The following PRKAG2 variants were observed in gnomAD, a reference collection of about 807,000 sequenced individuals.
PRKAG2 encodes the protein protein kinase AMP-activated non-catalytic subunit gamma 2, also known as 5'-AMP-activated protein kinase subunit gamma-2.
A neutral mutation model predicts 69.6 loss-of-function variants in PRKAG2; 26 were observed. The observed-to-expected ratio is 0.37, with a 90% CI of 0.27 to 0.52. The LOEUF (loss-of-function observed/expected upper bound fraction) is 0.52. PRKAG2 is among the 20% of genes least tolerant of loss of function. The pLI, the probability that PRKAG2 is intolerant of heterozygous loss-of-function variation, is 0.90. For missense variants in PRKAG2, 557 were observed against 740.0 expected (o/e 0.75, Z 2.87); for synonymous variants, 293 against 285.0 (o/e 1.03, Z -0.28).
intron 5 of PRKAG2, among the ~76,000 whole-genome samples, chr7:151,615,855 C>A (rs1253379998): frequency 6.6e-6 from 1 of 152,152 alleles, no homozygotes; most frequent in Non-Finnish European, 1.5e-5. Context: ...CAAATCAAAA[C>A]CCTTGATTCT....
At position 151,876,661 on chromosome 7, in the gene PRKAG2, T is replaced by C. The variant is rs767097185; in HGVS notation, c.-41A>G. 8 of 1,578,636 alleles carry C rather than the reference T, an allele frequency of 5.1e-6. No individual in the cohort carries two copies. Among genetic ancestry groups the C allele is most frequent in the Non-Finnish European group, 6.9e-6 (8 of 1,158,288 alleles). On this transcript the variant is annotated 5_prime_UTR_variant, in exon 1 of 16. Transcript: ENST00000287878. ...TTGATTCTGCGAAACTCCTCGGGGG[T>C]TCGGTCCCCTCCTTCCCTCCCCCGG...
At chr7:151,665,556 G>T (rs961968978) in intron 4 of PRKAG2, among the ~76,000 whole-genome samples, 12 of 152,172 alleles carry the variant, frequency 7.9e-5, no homozygotes, top group African/African-American at 2.9e-4. Flanking sequence ...TCAGCACACA[G>T]GCAGCACTTG....
intron 5 of PRKAG2, among the ~76,000 whole-genome samples, chr7:151,619,261 G>A (rs191060298): frequency 2.6e-5 from 4 of 152,298 alleles, no homozygotes; most frequent in South Asian, 2.1e-4. Context: ...GCTGGAGAAC[G>A]GTGATGGCCA....
chr7:151,761,749 C>T (rs775960003), intron 3 of PRKAG2, among the ~76,000 whole-genome samples: 84 of 152,126 alleles, frequency 5.5e-4, no homozygotes, highest in Admixed American at 6.5e-4. Flanking sequence ...GTACAAGAGG[C>T]GGAAGGACCC....
chr7:151,611,495 A>G (rs1320990252), intron 5 of PRKAG2, among the ~76,000 whole-genome samples: 2 of 152,172 alleles, frequency 1.3e-5, no homozygotes, highest in Non-Finnish European at 2.9e-5. Flanking sequence ...ATAAATCAGT[A>G]AGTGATGAGG....
chr7:151,818,684 A>G (rs938418867), intron 1 of PRKAG2, among the ~76,000 whole-genome samples: 3 of 152,250 alleles, frequency 2.0e-5, no homozygotes, highest in Non-Finnish European at 4.4e-5. Context: ...GCCAGAGGCC[A>G]GGGCAGCTGA....
intron 4 of PRKAG2, among the ~76,000 whole-genome samples, chr7:151,669,950 AACTTGT>A (rs1831696639): frequency 8.4e-6 from 1 of 118,694 alleles, no homozygotes; most frequent in Non-Finnish European, 1.8e-5. Context: ...TTGCATGTAC[AACTTGT>A]CACACACCTG....
intron 5 of PRKAG2, among the ~76,000 whole-genome samples, chr7:151,610,621 G>C (rs1818562158): frequency 7.5e-6 from 1 of 133,206 alleles, no homozygotes; most frequent in Non-Finnish European, 1.6e-5. Context: ...AAGTTGCAGT[G>C]AACTGATATC....
chr7:151,715,830 G>T (rs1796090787), intron 3 of PRKAG2, among the ~76,000 whole-genome samples: 1 of 150,698 alleles, frequency 6.6e-6, no homozygotes, highest in South Asian at 2.1e-4. Flanking sequence ...GCAAAGGCAG[G>T]AGAGAGGGCG....
intron 4 of PRKAG2, among the ~76,000 whole-genome samples, chr7:151,659,078 G>C (rs1249805584): frequency 5.3e-5 from 8 of 152,196 alleles, no homozygotes; most frequent in Non-Finnish European, 7.3e-5. Flanking sequence ...ATAGTAACTT[G>C]CTACAGTGCT....
rs566722955 is a variant in PRKAG2, at chr7:151,836,585, C to A, written c.114+39922G>T. Reference sequence around the variant, plus strand: ...CCCCTTCCCAGTGTGAATTCCCCTCCGATGGGGTGTGGAGGCTGGGGTAGT... The same window carrying A: ...CCCCTTCCCAGTGTGAATTCCCCTCAGATGGGGTGTGGAGGCTGGGGTAGT... On this transcript the variant is annotated intron_variant, in intron 1 of 15. Coordinates refer to ENST00000287878, the MANE Select transcript of PRKAG2 (RefSeq NM_016203.4). This position sits in a 1 kb window ranked among gnomAD's most constrained non-coding sequence, Gnocchi z 4.1. 1.7e-4 allele frequency among the ~76,000 whole-genome samples: 26 copies of A among 152,232 alleles called. 1 individual carries two copies. The highest frequency in any genetic ancestry group is 1.6e-3 in the Admixed American group (25 of 15,292).
At chr7:151,768,224 G>C (rs1002734724) in intron 3 of PRKAG2, among the ~76,000 whole-genome samples, 1 of 152,130 alleles carries the variant, frequency 6.6e-6, no homozygotes, top group Admixed American at 6.5e-5. Flanking sequence ...TACTGGTCAA[G>C]TATTACTCTG....
intron 6 of PRKAG2, among the ~76,000 whole-genome samples, chr7:151,582,747 C>T (rs893112291): frequency 3.3e-5 from 5 of 152,214 alleles, no homozygotes; most frequent in African/African-American, 7.2e-5. Flanking sequence ...CAGCTCACTT[C>T]GTTTTTCTGA....
chr7:151,703,652 C>T (rs752847387), intron 3 of PRKAG2, among the ~76,000 whole-genome samples: 2 of 152,148 alleles, frequency 1.3e-5, no homozygotes, highest in East Asian at 1.9e-4. Context: ...CCCCTTCAAT[C>T]TCCCTGCCAG....
intron 4 of PRKAG2, among the ~76,000 whole-genome samples, chr7:151,654,797 G>A (rs1340594618): frequency 6.6e-6 from 1 of 152,194 alleles, no homozygotes; most frequent in Non-Finnish European, 1.5e-5. Flanking sequence ...GATTCGAGCT[G>A]TTCTCATGCC....
chr7:151,773,251 A>G (rs1419319051), intron 3 of PRKAG2, among the ~76,000 whole-genome samples: 1 of 151,372 alleles, frequency 6.6e-6, no homozygotes, highest in Non-Finnish European at 1.5e-5. Flanking sequence ...AGAAAGAAGG[A>G]AAGAAAGAAA....
chr7:151,586,737 G>C (rs1164161825), intron 6 of PRKAG2, among the ~76,000 whole-genome samples: 1 of 152,196 alleles, frequency 6.6e-6, no homozygotes, highest in Non-Finnish European at 1.5e-5. Flanking sequence ...AGCAGCATCA[G>C]CCTGGAACAA....
intron 3 of PRKAG2, among the ~76,000 whole-genome samples, chr7:151,750,156 C>T (rs1245918668): frequency 6.6e-6 from 1 of 151,228 alleles, no homozygotes; most frequent in East Asian, 1.9e-4. Context: ...AAACTGGAAC[C>T]TTCATACATT....
At chr7:151,854,270 ATGCCTCCCTTCCC>A (rs1281073727) in intron 1 of PRKAG2, among the ~76,000 whole-genome samples, 1 of 152,280 alleles carries the variant, frequency 6.6e-6, no homozygotes, top group Non-Finnish European at 1.5e-5. Context: ...ATCTACATGC[ATGCCTCCCTTCCC>A]CCCACACACA....
Sources: gnomAD v4.1 joint callset for allele counts (sites outside exome capture counted in the v4.1 genomes callset) on GRCh38, gnomAD v4.1.1 for gene constraint, Gnocchi (gnomAD v3.1) non-coding constraint, MANE v1.5 for transcripts, NCBI Gene and HGNC (gene_info 2026-07-23, HGNC 2026-07-21) for gene names.